The following CEP162 variants were observed in gnomAD, a reference collection of about 807,000 sequenced individuals.
The protein encoded by CEP162 is centrosomal protein of 162 kDa.
In CEP162, 141 loss-of-function variants were observed where a neutral mutation model predicts 169.2. That is an observed-to-expected ratio of 0.83 (90% confidence interval 0.73 to 0.96). The LOEUF is 0.96. Ranked by LOEUF, CEP162 falls within the 40% of genes least tolerant of loss-of-function variation. The probability of loss-of-function intolerance (pLI) is 0.00; values close to 1 mark genes in which losing one functional copy is unlikely to be tolerated. For missense variants in CEP162, 1,600 were observed against 1,587.2 expected (o/e 1.01, Z -0.14); for synonymous variants, 540 against 526.4 (o/e 1.03, Z -0.35).
chr6:84,166,036 A>G (rs2099527675), intron 18 of CEP162, among the ~76,000 whole-genome samples: 1 of 152,226 alleles, frequency 6.6e-6, no homozygotes, highest in Admixed American at 6.5e-5. Context: ...GAATTCAAAG[A>G]ACTGTAAACA....
At chr6:84,227,429 A>T (rs943317557) in intron 1 of CEP162, among the ~76,000 whole-genome samples, 151 bp downstream of exon 1, 1 of 151,950 alleles carries the variant, frequency 6.6e-6, no homozygotes, top group Non-Finnish European at 1.5e-5. Context: ...CGGGTTCGGG[A>T]ATTGGAGGGA....
At chr6:84,209,099 G>C (rs1391666124) in intron 6 of CEP162, among the ~76,000 whole-genome samples, 1 of 152,146 alleles carries the variant, frequency 6.6e-6, no homozygotes, top group Non-Finnish European at 1.5e-5. Flanking sequence ...AGGCAGTATG[G>C]CATAGTGCTT....
At chr6:84,173,253 C>T (rs1051329968) in intron 16 of CEP162, among the ~76,000 whole-genome samples, 2 of 152,182 alleles carry the variant, frequency 1.3e-5, no homozygotes, top group African/African-American at 4.8e-5. Flanking sequence ...AACTTGCTTG[C>T]CCCGCAAATA....
chr6:84,133,375 C>T (rs978858390), intron 25 of CEP162, among the ~76,000 whole-genome samples: 2 of 152,192 alleles, frequency 1.3e-5, no homozygotes, highest in South Asian at 4.1e-4. Context: ...AGAACCACTA[C>T]TCTCTTCAAA....
At position 84,171,655 on chromosome 6, in the gene CEP162, G is replaced by T; in HGVS notation, c.2230C>A (p.Arg744=). 6.5e-7 allele frequency: 1 copy of T among 1,549,658 alleles called. No individual in the cohort carries two copies. The highest frequency in any genetic ancestry group is 2.4e-5 in the East Asian group (1 of 42,512). Residue 744 remains arginine, a synonymous_variant, in exon 17 of 27, where the codon CGA becomes AGA. Transcript: ENST00000403245. ...AAACTTTGGTTTTCCTTAAACATTC[G>T]CTCCTCATTTTTCTTGTTTTGTTCT... ...LQEQNKKNEE[R]MFKENQSLFS...
At chr6:84,191,090 C>A (rs2099539694) in intron 11 of CEP162, among the ~76,000 whole-genome samples, 1 of 151,758 alleles carries the variant, frequency 6.6e-6, no homozygotes, top group South Asian at 2.1e-4. Flanking sequence ...TTCACTGGGA[C>A]CAAAGCGATT....
chr6:84,220,304 G>T (rs1432609099), intron 3 of CEP162, among the ~76,000 whole-genome samples: 2 of 152,168 alleles, frequency 1.3e-5, no homozygotes, highest in Non-Finnish European at 2.9e-5. Flanking sequence ...AGTCGGGGTT[G>T]TTTACAGATG....
rs561578200 is a variant in CEP162 at position 84,145,847 on chromosome 6, C to T, written c.3870+840G>A. Among the ~76,000 whole-genome samples the T allele has an allele frequency of 1.7e-4, 26 of 152,248 alleles. No homozygotes were observed. In the East Asian group the frequency reaches 5.0e-3, roughly 29 times the overall value. On this transcript the variant is annotated intron_variant, in intron 25 of 26. Coordinates refer to ENST00000403245, the MANE Select transcript of CEP162 (RefSeq NM_014895.4). ...ACTGTAAAAAATGCTTTGAGCCCAA[C>T]ATCTAGAACTCTTGACTAGCTGCTC...
intron 13 of CEP162, among the ~76,000 whole-genome samples, chr6:84,177,664 T>C (rs2099532948): frequency 1.3e-5 from 2 of 152,152 alleles, no homozygotes; most frequent in Non-Finnish European, 2.9e-5. Context: ...GCCTCCCAAG[T>C]AGCTGGGATT....
intron 6 of CEP162, among the ~76,000 whole-genome samples, chr6:84,206,011 A>G (rs1404042130): frequency 2.7e-5 from 4 of 148,530 alleles, no homozygotes; most frequent in Admixed American, 1.3e-4. Context: ...CCAACTTACA[A>G]GGGATGTGAA....
At position 84,200,861 on chromosome 6, in the gene CEP162, C is replaced by G. The variant is rs781361434; in HGVS notation, c.763G>C (p.Asp255His). The G allele has an allele frequency of 6.2e-7, 1 of 1,611,980 alleles. No individual in the cohort carries two copies. The highest frequency in any genetic ancestry group is 8.5e-7 in the Non-Finnish European group (1 of 1,178,340). ...TTAGGTGTTATTTTATCTTGTTCAT[C>G]AAGATTGACCTCTGCAACAGAGTCT... The part of the protein sequence containing the change: ...SLDSVAEVNL[D>H]EQDKITPKPR... The change falls in exon 9 of 27, where the codon GAT becomes CAT. Residue 255 changes from aspartate (D) to histidine (H), a missense_variant. Physicochemically the swap from Asp to His is moderately conservative, Grantham distance 81. Transcript: ENST00000403245.
chr6:84,215,274 T>C lies in CEP162; in HGVS notation c.503+8A>G. Reference sequence around the variant, plus strand: ...TAAAAATCATTAATAGTTTACACTGTACTTTACCTATGTAAAGCTTTAAAA... The same window carrying C: ...TAAAAATCATTAATAGTTTACACTGCACTTTACCTATGTAAAGCTTTAAAA... On this transcript the variant is annotated splice_region_variant and intron_variant, in intron 5 of 26. Transcript: ENST00000403245. 6.7e-7 allele frequency: 1 copy of C among 1,484,840 alleles called. No homozygotes were observed. Among genetic ancestry groups the C allele is most frequent in the Non-Finnish European group, 9.2e-7 (1 of 1,081,884 alleles). 92.0% of individuals were successfully genotyped at this position (1,484,840 alleles called of 1,614,324 possible).
intron 9 of CEP162, 45 bp from the exon 10 acceptor site, chr6:84,195,120 A>G (rs768920669): frequency 7.2e-7 from 1 of 1,389,994 alleles, no homozygotes; most frequent in African/African-American, 1.5e-5. Flanking sequence ...CATCACAAAT[A>G]CATGAGAACG....
chr6:84,169,293 T>A, intron 18 of CEP162, 35 bp downstream of exon 18: 1 of 1,152,396 alleles, frequency 8.7e-7, no homozygotes, highest in Non-Finnish European at 1.2e-6. Context: ...AAAACCTTTA[T>A]TATCCCTAAT....
chr6:84,180,385 A>G (rs1476924940), intron 13 of CEP162, among the ~76,000 whole-genome samples: 1 of 152,202 alleles, frequency 6.6e-6, no homozygotes, highest in East Asian at 1.9e-4. Context: ...CACAGCCAAT[A>G]TCATACTGAA....
At chr6:84,174,259 AG>A in intron 15 of CEP162, 71 bp from the exon 16 acceptor site, 5 of 1,214,148 alleles carry the variant, frequency 4.1e-6, no homozygotes, top group Non-Finnish European at 5.8e-6. Flanking sequence ...AAAGAATAAC[AG>A]GAAACTCCTA....
rs778032710 is a variant in CEP162 at position 84,155,523 on chromosome 6, A to G, written c.2782-13T>C. On this transcript the variant is annotated splice_polypyrimidine_tract_variant and intron_variant, in intron 21 of 26. Coordinates refer to ENST00000403245, the MANE Select transcript of CEP162 (RefSeq NM_014895.4). ...CCATTTCCTTAACCTATTAAAACAT[A>G]TTTTCCACCAAAGAACACTTAGATT... is the stretch of plus-strand genomic sequence containing the variant. 2.6e-6 allele frequency: 4 copies of G among 1,532,596 alleles called. No homozygotes were observed. In the Admixed American group the frequency reaches 7.0e-5, roughly 27 times the overall value. The allele number at this position is 1,532,596 out of a possible 1,614,324, so 94.9% of individuals were successfully genotyped here.
intron 13 of CEP162, among the ~76,000 whole-genome samples, chr6:84,183,255 A>T (rs565064786): frequency 6.6e-6 from 1 of 152,186 alleles, no homozygotes; most frequent in African/African-American, 2.4e-5. Context: ...ATTAGTCTTC[A>T]TCTAGCAACC....
At chr6:84,150,133 A>AT (rs2099520551) in intron 23 of CEP162, among the ~76,000 whole-genome samples, 1 of 152,168 alleles carries the variant, frequency 6.6e-6, no homozygotes, top group South Asian at 2.1e-4. Flanking sequence ...CAACCCATGC[A>AT]TGAGACTCCA....
Sources: gnomAD v4.1 joint callset for allele counts (sites outside exome capture counted in the v4.1 genomes callset) on GRCh38, gnomAD v4.1.1 for gene constraint, MANE v1.5 for transcripts, NCBI Gene and HGNC (gene_info 2026-07-23, HGNC 2026-07-21) for gene names.